The following KHDC1 variants were observed in gnomAD, a reference collection of about 807,000 sequenced individuals.
KHDC1 encodes KH homology domain-containing protein 1.
KHDC1 carries 21 observed loss-of-function variants against 24.7 expected under a neutral mutation model. That is an observed-to-expected ratio of 0.85 (90% CI 0.60 to 1.23). The LOEUF is 1.23. Among genes scored for constraint, KHDC1 ranks in the 50% most tolerant of loss-of-function variants. KHDC1 has a pLI of 0.00. For missense variants in KHDC1, 274 were observed against 298.5 expected (o/e 0.92, Z 0.61); for synonymous variants, 98 against 111.7 (o/e 0.88, Z 0.77).
chr6:73,281,859 C>T (rs1767419984), intron 2 of KHDC1, among the ~76,000 whole-genome samples: 1 of 152,070 alleles, frequency 6.6e-6, no homozygotes, highest in Admixed American at 6.6e-5. Flanking sequence ...GTGGTAGATT[C>T]TCAGACTTTT....
chr6:73,288,671 T>C (rs1474577258), intron 2 of KHDC1, among the ~76,000 whole-genome samples: 2 of 151,924 alleles, frequency 1.3e-5, no homozygotes, highest in Non-Finnish European at 2.9e-5. Flanking sequence ...CCTGTTTTCC[T>C]AGCTACTCAG....
intron 2 of KHDC1, among the ~76,000 whole-genome samples, chr6:73,257,524 G>A (rs746487182): frequency 1.3e-5 from 2 of 151,902 alleles, no homozygotes; most frequent in East Asian, 1.9e-4. Context: ...TCAGCCTCCC[G>A]AGTAGCTGGG....
intron 2 of KHDC1, among the ~76,000 whole-genome samples, chr6:73,247,763 A>G (rs1766694062): frequency 6.7e-6 from 1 of 149,932 alleles, no homozygotes; most frequent in Non-Finnish European, 1.5e-5. Context: ...AGGCTGAGGT[A>G]GGAGAATGGC....
At chr6:73,283,823 G>T (rs979733207) in intron 2 of KHDC1, among the ~76,000 whole-genome samples, 1 of 150,794 alleles carries the variant, frequency 6.6e-6, no homozygotes, top group African/African-American at 2.4e-5. Flanking sequence ...TGATCCTCCC[G>T]CCTCCGCCTC....
rs753024090 is a variant in KHDC1, at chr6:73,255,520, C to CT, written c.207-12991dup. On this transcript the variant is annotated intron_variant, in intron 2 of 4. Transcript: ENST00000370384. ...TATAGGCATGAGCCACCACACCTGG[C>CT]TTTTTTTTTTTTTTTCCAACCAGTT... 4.7e-3 allele frequency among the ~76,000 whole-genome samples: 613 copies of CT among 131,686 alleles called. 6 individuals carry two copies. Among genetic ancestry groups the CT allele is most frequent in the African/African-American group, 0.014 (509 of 36,262 alleles). 86.4% of individuals were successfully genotyped at this position (131,686 alleles called of 152,430 possible).
At chr6:73,255,976 T>C (rs1273579429) in intron 2 of KHDC1, among the ~76,000 whole-genome samples, 3 of 151,304 alleles carry the variant, frequency 2.0e-5, no homozygotes, top group Non-Finnish European at 4.4e-5. Context: ...TGCAGAGCCA[T>C]GATTGTCGAG....
At chr6:73,289,333 C>A (rs1284499494) in intron 2 of KHDC1, among the ~76,000 whole-genome samples, 18 of 62,644 alleles carry the variant, frequency 2.9e-4, no homozygotes, top group South Asian at 1.2e-3. Context: ...GACTCCATCT[C>A]AAAAAAAAAA....
At chr6:73,257,669 T>C (rs894257924) in intron 2 of KHDC1, among the ~76,000 whole-genome samples, 2 of 151,826 alleles carry the variant, frequency 1.3e-5, no homozygotes, top group South Asian at 4.2e-4. Flanking sequence ...AGTCCTGGGA[T>C]TACAGGCGTG....
intron 2 of KHDC1, among the ~76,000 whole-genome samples, chr6:73,285,078 C>T (rs1216525771): frequency 3.3e-5 from 5 of 152,130 alleles, no homozygotes; most frequent in Non-Finnish European, 1.5e-5. Context: ...CTGCTGACCT[C>T]AGGTGATCTG....
intron 2 of KHDC1, chr6:73,268,087 G>T: frequency 1.4e-4 from 1 of 6,918 alleles, no homozygotes; most frequent in South Asian, 2.8e-3. Context: ...CACTGACTTC[G>T]AGAATGAAGC....
chr6:73,261,079 T>C (rs1417683714), intron 2 of KHDC1, among the ~76,000 whole-genome samples: 2 of 152,222 alleles, frequency 1.3e-5, no homozygotes, highest in Non-Finnish European at 2.9e-5. Flanking sequence ...TCTTGTCTAC[T>C]CCTACTCAGT....
chr6:73,286,894 AAAG>A (rs1469100069), intron 2 of KHDC1, among the ~76,000 whole-genome samples: 5 of 151,558 alleles, frequency 3.3e-5, no homozygotes, highest in African/African-American at 1.2e-4. Context: ...AAAAAAAAAA[AAAG>A]AACCAGATAC....
At chr6:73,291,751 A>C (rs570011312) in intron 2 of KHDC1, among the ~76,000 whole-genome samples, 4 of 149,832 alleles carry the variant, frequency 2.7e-5, no homozygotes, top group African/African-American at 9.8e-5. Flanking sequence ...TTTTTAATTA[A>C]TCTTTGGGGG....
chr6:73,242,265 T>C, intron 3 of KHDC1, 28 bp from the exon 3 acceptor site: 1 of 1,607,672 alleles, frequency 6.2e-7, no homozygotes, highest in Non-Finnish European at 8.5e-7. Flanking sequence ...GAGAGGAGGT[T>C]CTGTCAAGCA....
intron 2 of KHDC1, among the ~76,000 whole-genome samples, chr6:73,247,443 C>T (rs1389357940): frequency 1.3e-5 from 2 of 152,174 alleles, no homozygotes. Flanking sequence ...CCACCTCTTC[C>T]TCCTGCAGCT....
chr6:73,284,029 G>C (rs1317731745), intron 2 of KHDC1, among the ~76,000 whole-genome samples: 1 of 151,858 alleles, frequency 6.6e-6, no homozygotes, highest in Non-Finnish European at 1.5e-5. Flanking sequence ...CCTGGGCATA[G>C]GCCAAACTAA....
exon 1 of KHDC1, chr6:73,309,858 G>A (rs1768047798): frequency 2.1e-6 from 2 of 945,542 alleles, no homozygotes; most frequent in Admixed American, 2.7e-5. Context: ...GGGCCACTTC[G>A]GGTCGGGGTC....
chr6:73,253,213 T>C (rs528569335), intron 2 of KHDC1, among the ~76,000 whole-genome samples: 50 of 152,310 alleles, frequency 3.3e-4, no homozygotes, highest in East Asian at 9.7e-4. Context: ...TTCAGATTAC[T>C]GTGGAAAAGG....
intron 2 of KHDC1, among the ~76,000 whole-genome samples, chr6:73,248,253 T>C (rs554657893): frequency 6.6e-6 from 1 of 152,242 alleles, no homozygotes; most frequent in African/African-American, 2.4e-5. Context: ...TGGAAAATCA[T>C]TTTGCACAGT....
Sources: gnomAD v4.1 joint callset for allele counts (sites outside exome capture counted in the v4.1 genomes callset) on GRCh38, gnomAD v4.1.1 for gene constraint, MANE v1.5 for transcripts, NCBI Gene and HGNC (gene_info 2026-07-23, HGNC 2026-07-21) for gene names.